The following ZFPM2 variants were observed in gnomAD, a reference collection of about 807,000 sequenced individuals.
The protein encoded by ZFPM2 is zinc finger protein ZFPM2.
ZFPM2 carries 20 observed loss-of-function variants against 98.6 expected under a neutral mutation model. The ratio of observed to expected loss-of-function variants is 0.20; its 90% CI spans 0.14 to 0.29. The LOEUF (loss-of-function observed/expected upper bound fraction) is 0.29. ZFPM2 is among the 10% of genes least tolerant of loss of function. ZFPM2 has a pLI of 1.00. For missense variants in ZFPM2, 1,310 were observed against 1,388.6 expected (o/e 0.94, Z 0.90); for synonymous variants, 518 against 502.7 (o/e 1.03, Z -0.41).
intron 5 of ZFPM2, among the ~76,000 whole-genome samples, chr8:105,721,823 T>C (rs141807228): frequency 1.4e-3 from 218 of 152,092 alleles, no homozygotes; most frequent in African/African-American, 5.0e-3. Context: ...TCTCTTGCCA[T>C]CTCACATGAA....
intron 1 of ZFPM2, among the ~76,000 whole-genome samples, chr8:105,380,005 T>C (rs760673252): frequency 9.2e-5 from 14 of 152,150 alleles, no homozygotes; most frequent in Non-Finnish European, 1.3e-4. Flanking sequence ...TAGGAAATAC[T>C]CATGACAAAA....
chr8:105,726,149 T>G (rs2131005205), intron 5 of ZFPM2, among the ~76,000 whole-genome samples: 1 of 151,868 alleles, frequency 6.6e-6, no homozygotes, highest in South Asian at 2.1e-4. Flanking sequence ...ATGCTGGCAG[T>G]AGGCTGCGTC....
At chr8:105,407,048 A>C (rs1311696162) in intron 1 of ZFPM2, among the ~76,000 whole-genome samples, 1 of 151,500 alleles carries the variant, frequency 6.6e-6, no homozygotes, top group Non-Finnish European at 1.5e-5. Context: ...CCTTTTTGCT[A>C]TCAGAAAGCA....
intron 5 of ZFPM2, among the ~76,000 whole-genome samples, chr8:105,664,360 T>TGC (rs549592245): frequency 1.2e-3 from 177 of 144,552 alleles, no homozygotes; most frequent in East Asian, 1.3e-3. Context: ...TGTGTGTGTG[T>TGC]GACAGAGTTT....
chr8:105,668,020 G>T (rs1014037082), intron 5 of ZFPM2, among the ~76,000 whole-genome samples: 2 of 152,132 alleles, frequency 1.3e-5, no homozygotes, highest in African/African-American at 2.4e-5. Context: ...CACGTAATGA[G>T]GCCCCGGGAC....
At chr8:105,783,880 T>C (rs1443294135) in intron 5 of ZFPM2, among the ~76,000 whole-genome samples, 1 of 152,130 alleles carries the variant, frequency 6.6e-6, no homozygotes, top group Non-Finnish European at 1.5e-5. Flanking sequence ...AGATTCTGCT[T>C]TCCTTTCTTT....
intron 5 of ZFPM2, among the ~76,000 whole-genome samples, chr8:105,685,217 T>G (rs1341954685): frequency 6.6e-6 from 1 of 152,084 alleles, no homozygotes; most frequent in Non-Finnish European, 1.5e-5. Context: ...TGACATGTGG[T>G]CAATCAGATT....
At position 105,724,966 on chromosome 8, in the gene ZFPM2, C is replaced by A. The variant is rs1051582268; in HGVS notation, c.533-63752C>A. Among the ~76,000 whole-genome samples the A allele has an allele frequency of 2.0e-5, 3 of 151,700 alleles. No individual in the cohort carries two copies. The Admixed American group carries it at 2.0e-4, about 10-fold the overall frequency. ...AATCCACATATAAGTGGACCCCGTG[C>A]AGTTCAAATCTGTGTTATTCAAGAG... On this transcript the variant is annotated intron_variant, in intron 5 of 7. Coordinates refer to ENST00000407775, the MANE Select transcript of ZFPM2 (RefSeq NM_012082.4).
chr8:105,362,603 A>G (rs1209548110), intron 1 of ZFPM2, among the ~76,000 whole-genome samples: 6 of 152,252 alleles, frequency 3.9e-5, no homozygotes, highest in Non-Finnish European at 7.4e-5. Flanking sequence ...TTATATCATA[A>G]TGCTAGAGTC....
intron 5 of ZFPM2, among the ~76,000 whole-genome samples, chr8:105,704,115 C>G (rs76110652): frequency 0.25 from 47 of 188 alleles, 1 homozygote; most frequent in African/African-American, 0.38. Flanking sequence ...ACCAAGCTAT[C>G]TCTCTCTCTC....
At chr8:105,559,328 G>T (rs1008279945) in intron 3 of ZFPM2, among the ~76,000 whole-genome samples, 3 of 152,032 alleles carry the variant, frequency 2.0e-5, no homozygotes, top group Non-Finnish European at 2.9e-5. Context: ...CAGACATTCG[G>T]ACTTATTGAA....
At chr8:105,693,145 C>CT (rs1810929090) in intron 5 of ZFPM2, among the ~76,000 whole-genome samples, 1 of 152,200 alleles carries the variant, frequency 6.6e-6, no homozygotes, top group Non-Finnish European at 1.5e-5. Context: ...TTTATGGACT[C>CT]TGTTTTTCCA....
At chr8:105,422,929 G>T (rs1811833176) in intron 2 of ZFPM2, among the ~76,000 whole-genome samples, 2 of 152,030 alleles carry the variant, frequency 1.3e-5, no homozygotes, top group Non-Finnish European at 2.9e-5. Context: ...TTTTGAAATT[G>T]AGCATTTCTA....
chr8:105,638,340 T>C (rs1214270295), intron 5 of ZFPM2, among the ~76,000 whole-genome samples: 3 of 152,000 alleles, frequency 2.0e-5, no homozygotes, highest in Non-Finnish European at 4.4e-5. Flanking sequence ...GTTCCCTAAA[T>C]AAAACCAAGG....
intron 3 of ZFPM2, among the ~76,000 whole-genome samples, chr8:105,507,721 C>T (rs1173103238): frequency 1.3e-5 from 2 of 152,080 alleles, no homozygotes; most frequent in Non-Finnish European, 1.5e-5. Context: ...CAAAAACGGC[C>T]CAACCAATAG....
At chr8:105,730,766 TTTC>T (rs1351631448) in intron 5 of ZFPM2, among the ~76,000 whole-genome samples, 1 of 130,194 alleles carries the variant, frequency 7.7e-6, no homozygotes, top group Non-Finnish European at 1.7e-5. Flanking sequence ...ACCTGAACTT[TTTC>T]TTTTTTCTTT....
chr8:105,389,688 T>TTTGTAAA (rs1378420450), intron 1 of ZFPM2, among the ~76,000 whole-genome samples: 2 of 152,228 alleles, frequency 1.3e-5, no homozygotes, highest in Non-Finnish European at 2.9e-5. Flanking sequence ...TCTGTGGTGC[T>TTTGTAAA]TTGTAAATGG....
chr8:105,748,484 C>T (rs1316314220), intron 5 of ZFPM2, among the ~76,000 whole-genome samples: 1 of 151,906 alleles, frequency 6.6e-6, no homozygotes, highest in Non-Finnish European at 1.5e-5. Flanking sequence ...ATTCCCTGTG[C>T]CTAAAATTAA....
At chr8:105,374,111 C>G (rs1810676849) in intron 1 of ZFPM2, among the ~76,000 whole-genome samples, 1 of 152,166 alleles carries the variant, frequency 6.6e-6, no homozygotes, top group African/African-American at 2.4e-5. Context: ...TTATATGTCA[C>G]ATATACTATC....
Sources: gnomAD v4.1 joint callset for allele counts (sites outside exome capture counted in the v4.1 genomes callset) on GRCh38, gnomAD v4.1.1 for gene constraint, MANE v1.5 for transcripts, NCBI Gene and HGNC (gene_info 2026-07-23, HGNC 2026-07-21) for gene names.